Variants in GALNT17 observed in about 807,000 individuals in gnomAD.
GALNT17 encodes polypeptide N-acetylgalactosaminyltransferase 17.
GALNT17 carries 29 observed loss-of-function variants against 63.7 expected under a neutral mutation model. The observed-to-expected ratio is 0.46, with a 90% CI of 0.34 to 0.62. The LOEUF is 0.62. Ranked by LOEUF, GALNT17 falls within the 20% of genes least tolerant of loss-of-function variation. The probability of loss-of-function intolerance (pLI) is 0.01; values close to 1 mark genes in which losing one functional copy is unlikely to be tolerated. For missense variants in GALNT17, 603 were observed against 799.6 expected, an observed-to-expected ratio of 0.75 and a Z score of 2.97; for synonymous variants, 305 against 318.3, an observed-to-expected ratio of 0.96 and a Z score of 0.45.
chr7:71,463,529 G>C (rs1229693167), intron 5 of GALNT17, among the ~76,000 whole-genome samples: 1 of 152,132 alleles, frequency 6.6e-6, no homozygotes, highest in East Asian at 1.9e-4. Flanking sequence ...GAAAGCAAGT[G>C]TATTAAGAAA....
At chr7:71,287,298 T>G (rs1352234865) in intron 1 of GALNT17, among the ~76,000 whole-genome samples, 1 of 151,994 alleles carries the variant, frequency 6.6e-6, no homozygotes, top group Non-Finnish European at 1.5e-5. Context: ...CCCTGTTTTC[T>G]GGGCTTGTCA....
chr7:71,324,964 T>A (rs931839155), intron 1 of GALNT17, among the ~76,000 whole-genome samples: 2 of 152,208 alleles, frequency 1.3e-5, no homozygotes, highest in African/African-American at 2.4e-5. Context: ...CCTGACAAGC[T>A]CTTGTGTTCC....
chr7:71,410,739 C>T (rs972384840), intron 3 of GALNT17, among the ~76,000 whole-genome samples: 2 of 152,092 alleles, frequency 1.3e-5, no homozygotes, highest in Admixed American at 1.3e-4. Context: ...TTCTTTTTGC[C>T]AATTTATGCT....
intron 6 of GALNT17, among the ~76,000 whole-genome samples, chr7:71,590,671 A>G (rs895894061): frequency 6.6e-6 from 1 of 152,004 alleles, no homozygotes; most frequent in Non-Finnish European, 1.5e-5. Context: ...GGGCACAACT[A>G]TTTGTTCCCT....
At chr7:71,250,015 C>G (rs1370234360) in intron 1 of GALNT17, among the ~76,000 whole-genome samples, 1 of 152,202 alleles carries the variant, frequency 6.6e-6, no homozygotes, top group Non-Finnish European at 1.5e-5. Flanking sequence ...CCAAGTTTTT[C>G]AAGTGTGAAC....
intron 9 of GALNT17, among the ~76,000 whole-genome samples, chr7:71,696,655 T>C (rs1181861392): frequency 6.6e-6 from 1 of 152,214 alleles, no homozygotes; most frequent in African/African-American, 2.4e-5. Flanking sequence ...GTTGTATGTG[T>C]CTCTTAGATC....
chr7:71,238,739 G>A (rs1789940733), intron 1 of GALNT17, among the ~76,000 whole-genome samples: 2 of 152,182 alleles, frequency 1.3e-5, no homozygotes, highest in African/African-American at 2.4e-5. Context: ...GGCCCCGTGG[G>A]GGTCTCCAGC....
chr7:71,659,532 C>G (rs1220168849), intron 6 of GALNT17, among the ~76,000 whole-genome samples: 1 of 152,206 alleles, frequency 6.6e-6, no homozygotes, highest in Non-Finnish European at 1.5e-5. Context: ...TTATCCTCAG[C>G]TTCCTTACAG....
chr7:71,464,777 AG>A (rs1489705177), intron 5 of GALNT17, among the ~76,000 whole-genome samples: 1 of 152,134 alleles, frequency 6.6e-6, no homozygotes, highest in Non-Finnish European at 1.5e-5. Flanking sequence ...ACATGAGAAG[AG>A]ACTGCTTTCT....
chr7:71,456,978 C>T (rs1490027184), intron 5 of GALNT17, among the ~76,000 whole-genome samples: 1 of 152,158 alleles, frequency 6.6e-6, no homozygotes, highest in East Asian at 1.9e-4. Flanking sequence ...AGATAAGAGA[C>T]AGAAGGTTGA....
chr7:71,658,638 A>T (rs1408284898), intron 6 of GALNT17, among the ~76,000 whole-genome samples: 2 of 152,186 alleles, frequency 1.3e-5, no homozygotes, highest in Non-Finnish European at 2.9e-5. Context: ...CTGTAATCCC[A>T]GCACTTTGGG....
chr7:71,425,232 T>A (rs1786736648), intron 5 of GALNT17, among the ~76,000 whole-genome samples: 1 of 152,038 alleles, frequency 6.6e-6, no homozygotes, highest in African/African-American at 2.4e-5. Flanking sequence ...CAGAATTTTT[T>A]TTTTTTTTTG....
chr7:71,499,686 T>C (rs866187082), intron 5 of GALNT17, among the ~76,000 whole-genome samples: 7 of 152,228 alleles, frequency 4.6e-5, no homozygotes, highest in African/African-American at 9.6e-5. Context: ...CCGATTTCTC[T>C]TCATCTATAC....
At chr7:71,617,292 G>GT (rs1377552550) in intron 6 of GALNT17, among the ~76,000 whole-genome samples, 83 of 85,434 alleles carry the variant, frequency 9.7e-4, no homozygotes, top group African/African-American at 1.3e-3. Context: ...AGTATTTTTG[G>GT]TTTTTTTTTT....
At position 71,166,434 on chromosome 7, in the gene GALNT17, C is replaced by T. The variant is rs976801222; in HGVS notation, c.238+33394C>T. On this transcript the variant is annotated intron_variant, in intron 1 of 10. Coordinates refer to ENST00000333538, the MANE Select transcript of GALNT17 (RefSeq NM_022479.3). ...ATATGCATGCACCAGTGAAATCATC[C>T]GCATGATCAAGATAGTGACGCATCC... 5.9e-5 allele frequency among the ~76,000 whole-genome samples: 9 copies of T among 152,070 alleles called. No individual in the cohort carries two copies. The South Asian group carries it at 6.2e-4, about 11-fold the overall frequency.
At chr7:71,548,572 A>C (rs1789025096) in intron 5 of GALNT17, among the ~76,000 whole-genome samples, 1 of 152,160 alleles carries the variant, frequency 6.6e-6, no homozygotes, top group African/African-American at 2.4e-5. Flanking sequence ...TGGTCTTATA[A>C]AGGGCAGTTC....
chr7:71,559,949 A>G lies in GALNT17; in HGVS notation c.963-11336A>G, dbSNP rs181688331. On this transcript the variant is annotated intron_variant, in intron 5 of 10. Transcript: ENST00000333538. ...GTAGCTCACGCCTGTAAATCCCAGCACTTTGAGAGGCTGCAGCGGGCAAAT... is the reference window on the plus strand; with the variant it reads ...GTAGCTCACGCCTGTAAATCCCAGCGCTTTGAGAGGCTGCAGCGGGCAAAT... Among the ~76,000 whole-genome samples, 608 of 151,668 alleles carry G rather than the reference A, an allele frequency of 4.0e-3. 7 individuals carry two copies. The highest frequency in any genetic ancestry group is 0.014 in the African/African-American group (577 of 41,340).
intron 5 of GALNT17, among the ~76,000 whole-genome samples, chr7:71,465,358 A>G (rs1335888798): frequency 2.0e-5 from 3 of 152,222 alleles, no homozygotes; most frequent in Non-Finnish European, 4.4e-5. Context: ...CCTAAAAGAT[A>G]TCACCCTTTG....
intron 3 of GALNT17, among the ~76,000 whole-genome samples, chr7:71,409,997 G>A (rs549980597): frequency 6.6e-6 from 1 of 152,284 alleles, no homozygotes; most frequent in Non-Finnish European, 1.5e-5. Context: ...ACCAGCTGAT[G>A]TCAGCAGTTT....
Sources: gnomAD v4.1 joint callset for allele counts (sites outside exome capture counted in the v4.1 genomes callset) on GRCh38, gnomAD v4.1.1 for gene constraint, MANE v1.5 for transcripts, NCBI Gene and HGNC (gene_info 2026-07-23, HGNC 2026-07-21) for gene names.